NBEA: variants seen among roughly 807,000 people sequenced by gnomAD.
NBEA encodes lysosomal-trafficking regulator 2.
In NBEA, 44 loss-of-function variants were observed where a neutral mutation model predicts 343.4. That is an observed-to-expected ratio of 0.13 (90% CI 0.10 to 0.16). The LOEUF is 0.16. NBEA is among the 10% of genes least tolerant of loss of function. NBEA has a pLI of 1.00. For missense variants in NBEA, 2,555 were observed against 3,631.3 expected (o/e 0.70, Z 7.62); for synonymous variants, 1,175 against 1,238.7 (o/e 0.95, Z 1.08).
intron 1 of NBEA, among the ~76,000 whole-genome samples, chr13:34,975,292 G>C (rs1180850464): frequency 1.3e-5 from 2 of 152,096 alleles, no homozygotes; most frequent in East Asian, 3.8e-4. Flanking sequence ...ACAGAATAGA[G>C]AACCCAGAAA....
At chr13:35,374,313 T>G (rs1361206131) in intron 38 of NBEA, among the ~76,000 whole-genome samples, 1 of 152,190 alleles carries the variant, frequency 6.6e-6, no homozygotes, top group Non-Finnish European at 1.5e-5. Flanking sequence ...CAGTTAGATA[T>G]GGGCAACATT....
intron 41 of NBEA, among the ~76,000 whole-genome samples, chr13:35,493,080 C>T (rs1328320056): frequency 1.3e-5 from 2 of 151,820 alleles, no homozygotes; most frequent in Admixed American, 6.6e-5. Flanking sequence ...TATATGAATA[C>T]TGAATTCTCT....
At chr13:35,449,547 A>G (rs1002375455) in intron 39 of NBEA, among the ~76,000 whole-genome samples, 1 of 152,224 alleles carries the variant, frequency 6.6e-6, no homozygotes, top group African/African-American at 2.4e-5. Flanking sequence ...TTTCTGAATT[A>G]TTAATCATTG....
At chr13:35,591,942 G>C (rs2081559282) in intron 46 of NBEA, among the ~76,000 whole-genome samples, 2 of 151,784 alleles carry the variant, frequency 1.3e-5, no homozygotes, top group Admixed American at 1.3e-4. Context: ...TGAGAGAGAA[G>C]AATTGAAGCA....
At chr13:34,994,910 G>A (rs926741858) in intron 1 of NBEA, among the ~76,000 whole-genome samples, 5 of 152,164 alleles carry the variant, frequency 3.3e-5, no homozygotes, top group Non-Finnish European at 7.4e-5. Context: ...GTTCGTATTT[G>A]AATAGTTGAT....
chr13:35,253,197 A>G (rs994279778), intron 34 of NBEA, among the ~76,000 whole-genome samples: 1 of 152,134 alleles, frequency 6.6e-6, no homozygotes, highest in Non-Finnish European at 1.5e-5. Flanking sequence ...TAAAATATAT[A>G]CCCAGGAATA....
chr13:35,457,457 G>A (rs1375109634), intron 40 of NBEA, among the ~76,000 whole-genome samples: 2 of 151,928 alleles, frequency 1.3e-5, no homozygotes, highest in East Asian at 1.9e-4. Flanking sequence ...TCCCTCTTTC[G>A]CAATCCTGGA....
chr13:34,960,024 C>T (rs1009789867), intron 1 of NBEA, among the ~76,000 whole-genome samples: 1 of 152,058 alleles, frequency 6.6e-6, no homozygotes, highest in Non-Finnish European at 1.5e-5. Context: ...AAAACAGCCT[C>T]AGGCAGGTCT....
In NBEA at chr13:35,552,817, T is replaced by C. The variant is rs757863014; in HGVS notation, c.6806+1785T>C. Among the ~76,000 whole-genome samples, 186 of 152,288 alleles carry C rather than the reference T, an allele frequency of 1.2e-3. 2 individuals carry two copies. Among genetic ancestry groups the C allele is most frequent in the Non-Finnish European group, 1.6e-3 (109 of 68,024 alleles). ...TTTAAAACAATCAGAAGCTCTTTTA[T>C]TTTATTTCTTACCTATGATGAGTAT... On this transcript the variant is annotated intron_variant, in intron 43 of 58. Coordinates refer to ENST00000379939, the MANE Select transcript of NBEA (RefSeq NM_001385012.1).
At chr13:35,413,616 C>T (rs2043720216) in intron 38 of NBEA, among the ~76,000 whole-genome samples, 1 of 152,020 alleles carries the variant, frequency 6.6e-6, no homozygotes, top group South Asian at 2.1e-4. Context: ...TACCTAAACC[C>T]TATTTATCTA....
chr13:35,364,083 A>G (rs1400026726), intron 38 of NBEA, among the ~76,000 whole-genome samples: 1 of 151,942 alleles, frequency 6.6e-6, no homozygotes, highest in Non-Finnish European at 1.5e-5. Flanking sequence ...TCCATGTGAC[A>G]TGAGGTCACT....
intron 48 of NBEA, among the ~76,000 whole-genome samples, chr13:35,614,686 A>G (rs2082659173): frequency 6.6e-6 from 1 of 152,184 alleles, no homozygotes; most frequent in South Asian, 2.1e-4. Flanking sequence ...TTAGTAAATT[A>G]ATGTAACTAC....
intron 36 of NBEA, among the ~76,000 whole-genome samples, chr13:35,315,594 T>C (rs2037661215): frequency 6.6e-6 from 1 of 152,128 alleles, no homozygotes; most frequent in South Asian, 2.1e-4. Context: ...TGTCACTCTT[T>C]TAAAAGAATA....
Position 35,654,986 on chromosome 13 carries a change from T to G in NBEA, c.8167T>G (p.Phe2723Val), listed in dbSNP as rs1255750660. 8 of 1,553,502 alleles carry G rather than the reference T, an allele frequency of 5.1e-6. No homozygotes were observed. The highest frequency in any genetic ancestry group is 6.1e-6 in the Non-Finnish European group (7 of 1,156,922). Residue 2723 changes from phenylalanine to valine, a missense_variant, in exon 54 of 59, where the codon TTC (phenylalanine) becomes GTC (valine). Phe to Val is a conservative substitution (Grantham distance 50, BLOSUM62 -1). Coordinates refer to ENST00000379939, the MANE Select transcript of NBEA (RefSeq NM_001385012.1). ...TATCTGTGGATTCTGGGATAAGAGC[T>G]TCAGAGTTTATTCTACAGAAACAGG... ...ILICGFWDKS[F>V]RVYSTETGKL...
intron 18 of NBEA, among the ~76,000 whole-genome samples, chr13:35,153,028 C>T (rs2152705555): frequency 6.7e-6 from 1 of 149,042 alleles, no homozygotes; most frequent in East Asian, 2.0e-4. Context: ...TTTAAACTTA[C>T]ATAGGTTCTT....
intron 1 of NBEA, among the ~76,000 whole-genome samples, chr13:35,010,741 A>AAT (rs869140392): frequency 1.9e-4 from 6 of 31,960 alleles, no homozygotes; most frequent in East Asian, 3.8e-3. Context: ...AAAAAAAAAA[A>AAT]ATATATATAT....
At chr13:35,423,779 T>A (rs1490343860) in intron 38 of NBEA, among the ~76,000 whole-genome samples, 1 of 152,214 alleles carries the variant, frequency 6.6e-6, no homozygotes, top group Non-Finnish European at 1.5e-5. Flanking sequence ...TTCCTACCCA[T>A]GAGCATGGAA....
intron 30 of NBEA, among the ~76,000 whole-genome samples, chr13:35,190,918 C>G (rs1432239549): frequency 6.6e-6 from 1 of 151,932 alleles, no homozygotes; most frequent in African/African-American, 2.4e-5. Flanking sequence ...GATATCTCAC[C>G]AAAAGGAGGA....
chr13:35,067,478 T>G (rs2063697232), intron 8 of NBEA, among the ~76,000 whole-genome samples: 1 of 152,162 alleles, frequency 6.6e-6, no homozygotes, highest in Non-Finnish European at 1.5e-5. Context: ...AAATCATTAA[T>G]GTTAAGTGTA....
Sources: gnomAD v4.1 joint callset for allele counts (sites outside exome capture counted in the v4.1 genomes callset) on GRCh38, gnomAD v4.1.1 for gene constraint, MANE v1.5 for transcripts, NCBI Gene and HGNC (gene_info 2026-07-23, HGNC 2026-07-21) for gene names.